Variants in GAREM1 observed in about 807,000 individuals in gnomAD.
GAREM1 encodes GRB2-associated and regulator of MAPK protein 1.
In GAREM1, 26 loss-of-function variants were observed where a neutral mutation model predicts 71.3. That is an observed-to-expected ratio of 0.36 (90% CI 0.27 to 0.51). The LOEUF is 0.51. Among genes scored for constraint, GAREM1 ranks in the 20% least tolerant of loss-of-function variants. GAREM1 has a pLI of 0.95. For synonymous variants in GAREM1, 440 were observed against 433.2 expected, an observed-to-expected ratio of 1.02 and a Z score of -0.20; for missense variants, 1,026 against 1,103.1, an observed-to-expected ratio of 0.93 and a Z score of 0.99.
At chr18:32,401,458 AAAG>A (rs1458797815) in intron 1 of GAREM1, among the ~76,000 whole-genome samples, 9 of 152,284 alleles carry the variant, frequency 5.9e-5, no homozygotes, top group Middle Eastern at 6.8e-3. Context: ...AAAGAAAAAA[AAAG>A]AAATGTAGAG....
chr18:32,267,817 C>T lies in GAREM1; in HGVS notation c.*54G>A. ...CATGAAATTGTGTCCCAGCCCACCC[C>T]TTCTAGCACACGCATTGATCAGTTT... is the stretch of plus-strand genomic sequence containing the variant. On this transcript the variant is annotated 3_prime_UTR_variant, in exon 6 of 6. Transcript: ENST00000269209. 1 of 1,447,092 alleles carries T rather than the reference C, an allele frequency of 6.9e-7. No homozygotes were observed. The highest frequency in any genetic ancestry group is 9.5e-7 in the Non-Finnish European group (1 of 1,054,466). The allele number at this position is 1,447,092 out of a possible 1,614,324, so 89.6% of individuals were successfully genotyped here. A position where few individuals can be genotyped will look rare whatever the true frequency, so the allele number is the denominator to read the frequency against.
chr18:32,395,396 A>G (rs17811474), intron 1 of GAREM1, among the ~76,000 whole-genome samples: 7,055 of 152,320 alleles, frequency 0.046, 257 homozygotes, highest in East Asian at 0.11. Context: ...GCCAATACCA[A>G]TAACAAAACT....
intron 2 of GAREM1, among the ~76,000 whole-genome samples, chr18:32,321,569 C>A (rs1380575701): frequency 6.6e-6 from 1 of 152,182 alleles, no homozygotes; most frequent in Non-Finnish European, 1.5e-5. Flanking sequence ...TCCAATGGCT[C>A]TCCCACAAAA....
At chr18:32,393,065 T>C (rs768303866) in intron 1 of GAREM1, 30 bp from the exon 2 acceptor site, 4 of 1,597,294 alleles carry the variant, frequency 2.5e-6, no homozygotes, top group Non-Finnish European at 2.6e-6. Flanking sequence ...ATGAGAAACT[T>C]AGAATTCATA....
intron 2 of GAREM1, among the ~76,000 whole-genome samples, chr18:32,366,945 T>C (rs1179013654): frequency 1.3e-5 from 2 of 152,180 alleles, no homozygotes; most frequent in African/African-American, 2.4e-5. Flanking sequence ...CACTTAACAG[T>C]GAACACCCTG....
At chr18:32,376,197 G>A (rs1483994716) in intron 2 of GAREM1, among the ~76,000 whole-genome samples, 1 of 152,196 alleles carries the variant, frequency 6.6e-6, no homozygotes, top group Admixed American at 6.5e-5. Flanking sequence ...TTACATGCCA[G>A]TAAAGAATCA....
intron 1 of GAREM1, among the ~76,000 whole-genome samples, chr18:32,400,493 C>T (rs2048304335): frequency 6.6e-6 from 1 of 152,186 alleles, no homozygotes; most frequent in Non-Finnish European, 1.5e-5. Context: ...AACAAACAAC[C>T]CCATCAACAA....
chr18:32,411,945 A>C (rs1395803932), intron 1 of GAREM1, among the ~76,000 whole-genome samples: 7 of 144,898 alleles, frequency 4.8e-5, no homozygotes, highest in Admixed American at 2.1e-4. Context: ...GCATGGGTGC[A>C]AAAAAAAAAA....
chr18:32,297,172 A>C (rs1438210078), intron 3 of GAREM1, among the ~76,000 whole-genome samples: 1 of 152,220 alleles, frequency 6.6e-6, no homozygotes, highest in African/African-American at 2.4e-5. Context: ...TGTTTCTTAC[A>C]GTAAAGGTTT....
rs1279736949 is a variant in GAREM1, at chr18:32,268,580, T to A, written c.1922A>T (p.Asp641Val). Residue 641 changes from aspartate (D) to valine (V), a missense_variant, in exon 6 of 6, where the codon GAC becomes GTC. Physicochemically the swap from Asp to Val is radical, Grantham distance 152. Transcript: ENST00000269209. ...ACTCCTGCTTGGATCCAGCAGGAAGTCACTCCTGGTCTGGCTTTCTGATGC... is the reference window on the plus strand; with the variant it reads ...ACTCCTGCTTGGATCCAGCAGGAAGACACTCCTGGTCTGGCTTTCTGATGC... ...SGASESQTRS[D>V]FLLDPSRSYS... is the part of the protein sequence containing the mutation. The A allele has an allele frequency of 1.2e-6, 2 of 1,614,186 alleles. No homozygotes were observed. The highest frequency in any genetic ancestry group is 1.7e-6 in the Non-Finnish European group (2 of 1,180,034).
intron 1 of GAREM1, among the ~76,000 whole-genome samples, chr18:32,418,204 A>G (rs1169504000): frequency 6.6e-6 from 1 of 152,188 alleles, no homozygotes; most frequent in African/African-American, 2.4e-5. Flanking sequence ...AATCACATAC[A>G]TATAATAGAG....
rs75729388 is a variant in GAREM1, at chr18:32,285,637, C to G, written c.1566+1394G>C. 1.9e-3 allele frequency among the ~76,000 whole-genome samples: 294 copies of G among 152,310 alleles called. 10 individuals carry two copies. In the East Asian group the frequency reaches 0.046, roughly 24 times the overall value. On this transcript the variant is annotated intron_variant, in intron 4 of 5. Coordinates refer to ENST00000269209, the MANE Select transcript of GAREM1 (RefSeq NM_001242409.2). ...CCATGGAGGCTCCTCTCATTCATCCCGCGACTAGAAGTTTCTCTGTCTCTT... is the reference window on the plus strand; with the variant it reads ...CCATGGAGGCTCCTCTCATTCATCCGGCGACTAGAAGTTTCTCTGTCTCTT...
chr18:32,280,816 A>AC lies in GAREM1; in HGVS notation c.1566+6214dup, dbSNP rs576396578. Among the ~76,000 whole-genome samples the AC allele has an allele frequency of 2.6e-3, 401 of 152,060 alleles. 2 individuals are homozygous for AC. The highest frequency in any genetic ancestry group is 0.014 in the Middle Eastern group (4 of 292). ...CACTTCTGGAATGGGAGGCTGACTG[A>AC]CCCCCGTGGTAGCTGGCTCTGCCCA... On this transcript the variant is annotated intron_variant, in intron 4 of 5. Transcript: ENST00000269209.
chr18:32,387,033 TTAA>T (rs1199843793), intron 2 of GAREM1, among the ~76,000 whole-genome samples: 1,705 of 108,378 alleles, frequency 0.016, 44 homozygotes, highest in African/African-American at 0.07. Context: ...CTTTTTTTTT[TTAA>T]AAAAAAATCA....
intron 4 of GAREM1, among the ~76,000 whole-genome samples, chr18:32,276,605 G>T (rs1162529941): frequency 6.6e-6 from 1 of 152,172 alleles, no homozygotes; most frequent in African/African-American, 2.4e-5. Flanking sequence ...TCTTAGGAGG[G>T]ATTATGAGTG....
intron 1 of GAREM1, among the ~76,000 whole-genome samples, chr18:32,398,785 GA>G: frequency 6.6e-6 from 1 of 152,158 alleles, no homozygotes; most frequent in South Asian, 2.1e-4. Flanking sequence ...CCAATCAATA[GA>G]AAAAGAGGGA....
At chr18:32,346,167 G>C (rs964713290) in intron 2 of GAREM1, among the ~76,000 whole-genome samples, 1 of 151,404 alleles carries the variant, frequency 6.6e-6, no homozygotes, top group Admixed American at 6.6e-5. Flanking sequence ...ATTTTATCTT[G>C]TCTCTTCACA....
chr18:32,324,588 T>G (rs1207690962), intron 2 of GAREM1, among the ~76,000 whole-genome samples: 1 of 152,232 alleles, frequency 6.6e-6, no homozygotes, highest in African/African-American at 2.4e-5. Context: ...ACACACAGTA[T>G]TATCAAAAGA....
intron 2 of GAREM1, among the ~76,000 whole-genome samples, chr18:32,333,242 G>A (rs2047554971): frequency 6.6e-6 from 1 of 151,860 alleles, no homozygotes; most frequent in African/African-American, 2.4e-5. Flanking sequence ...AGGAAGGGGA[G>A]TGGAGAGGGG....
Sources: gnomAD v4.1 joint callset for allele counts (sites outside exome capture counted in the v4.1 genomes callset) on GRCh38, gnomAD v4.1.1 for gene constraint, MANE v1.5 for transcripts, NCBI Gene and HGNC (gene_info 2026-07-23, HGNC 2026-07-21) for gene names.